Variants in INPP5F observed in about 807,000 individuals in gnomAD.
INPP5F encodes the protein inositol polyphosphate-5-phosphatase F, also known as phosphatidylinositide 4-phosphatase SAC2.
Under a neutral mutation model 137.2 loss-of-function variants are expected in INPP5F, and 97 were observed. The observed-to-expected ratio is 0.71, with a 90% CI of 0.60 to 0.84. INPP5F has a LOEUF of 0.84. Among genes scored for constraint, INPP5F ranks in the 40% least tolerant of loss-of-function variants. INPP5F has a pLI of 0.00. For missense variants in INPP5F, 1,271 were observed against 1,371.9 expected (o/e 0.93, Z 1.16); for synonymous variants, 504 against 476.9 (o/e 1.06, Z -0.74).
At chr10:119,785,978 TG>T (rs1849898629) in intron 3 of INPP5F, among the ~76,000 whole-genome samples, 1 of 152,266 alleles carries the variant, frequency 6.6e-6, no homozygotes, top group Non-Finnish European at 1.5e-5. Context: ...TATAGGCTTA[TG>T]TTCCATGTCT....
intron 16 of INPP5F, among the ~76,000 whole-genome samples, chr10:119,821,214 T>G (rs1387689157): frequency 6.6e-6 from 1 of 152,234 alleles, no homozygotes; most frequent in Non-Finnish European, 1.5e-5. Flanking sequence ...CCATACGTTT[T>G]TATCACTAAT....
Position 119,810,182 on chromosome 10 carries a change from A to T in INPP5F, c.1652A>T (p.Asn551Ile). The T allele has an allele frequency of 1.2e-6, 2 of 1,611,658 alleles. No individual in the cohort carries two copies. The highest frequency in any genetic ancestry group is 1.7e-6 in the Non-Finnish European group (2 of 1,177,972). Residue 551 changes from asparagine to isoleucine, a missense_variant, in exon 14 of 20, where the codon AAC (asparagine) becomes ATC (isoleucine). By Grantham distance (149) the Asn-to-Ile change is moderately radical (BLOSUM62 -3). Coordinates refer to ENST00000650623, the MANE Select transcript of INPP5F (RefSeq NM_014937.4). ...AACTCAGCAAACAGATATTACCTCA[A>T]CCGATTTAAGGATGCTTATAGGCAA... ...GVNSANRYYLNRFKDAYRQAV... is the reference protein window; with the variant it reads ...GVNSANRYYLIRFKDAYRQAV...
rs774658353 is a variant in INPP5F, at chr10:119,805,361, C to CT, written c.1242-20dup. ...TCTATGATTAAATTAAAGATTTTTTCTTTCTTTTGGCATGGATTTTAGCCG... is the reference window on the plus strand; with the variant it reads ...TCTATGATTAAATTAAAGATTTTTTCTTTTCTTTTGGCATGGATTTTAGCCG... On this transcript the variant is annotated intron_variant, in intron 10 of 19. Coordinates refer to ENST00000650623, the MANE Select transcript of INPP5F (RefSeq NM_014937.4). 3.0e-5 allele frequency: 48 copies of CT among 1,583,688 alleles called. No homozygotes were observed. The African/African-American group carries it at 4.6e-4, about 15-fold the overall frequency.
chr10:119,757,943 T>C (rs1377434995), intron 2 of INPP5F, among the ~76,000 whole-genome samples: 1 of 152,254 alleles, frequency 6.6e-6, no homozygotes, highest in African/African-American at 2.4e-5. Context: ...TGTCTCTGTG[T>C]GCTGGCCCAC....
chr10:119,791,664 T>G lies in INPP5F; in HGVS notation c.444+19T>G, dbSNP rs546573078. On this transcript the variant is annotated intron_variant, in intron 4 of 19. Coordinates refer to ENST00000650623, the MANE Select transcript of INPP5F (RefSeq NM_014937.4). ...AAAGAAAGTAAGAGTTTAATTGATA[T>G]AGGCTTTGAATTCACCTTTGATTAG... 7.6e-6 allele frequency: 12 copies of G among 1,580,590 alleles called. No individual in the cohort carries two copies. The highest frequency in any genetic ancestry group is 1.1e-5 in the South Asian group (1 of 89,316).
At chr10:119,819,444 G>T in intron 15 of INPP5F, 2 of 1,548,942 alleles carry the variant, frequency 1.3e-6, no homozygotes, top group Non-Finnish European at 1.7e-6. Flanking sequence ...TAGGATGAAA[G>T]TAACACTGTA....
In INPP5F at chr10:119,781,671, C is replaced by T. The variant is rs745350195; in HGVS notation, c.215C>T (p.Ala72Val). 17 of 1,612,232 alleles carry T rather than the reference C, an allele frequency of 1.1e-5. No individual in the cohort carries two copies. The highest frequency in any genetic ancestry group is 2.2e-5 in the South Asian group (2 of 90,766). Residue 72 changes from alanine (A) to valine (V), a missense_variant, in exon 3 of 20, where the codon GCA (alanine) becomes GTA (valine). This residue lies in a region of INPP5F where 109 missense variants were observed against 105.1 expected (regional missense o/e 1.04). Coordinates refer to ENST00000650623, the MANE Select transcript of INPP5F (RefSeq NM_014937.4). ...TGGCTTATTCTAATTCGGCAGAAAG[C>T]ATTGGTGGGCAAACTCCCAGGAGAC... ...PWWLILIRQK[A>V]LVGKLPGDHE...
intron 1 of INPP5F, among the ~76,000 whole-genome samples, chr10:119,735,204 ATTCT>A (rs1257189716): frequency 1.3e-5 from 2 of 152,214 alleles, no homozygotes; most frequent in African/African-American, 4.8e-5. Flanking sequence ...GCATCCACAC[ATTCT>A]TTCTTTGGTA....
chr10:119,740,657 C>T (rs1848346529), intron 1 of INPP5F, among the ~76,000 whole-genome samples: 1 of 152,134 alleles, frequency 6.6e-6, no homozygotes, highest in Non-Finnish European at 1.5e-5. Context: ...ATTCTCCTGC[C>T]TCAGCCTTCC....
intron 3 of INPP5F, among the ~76,000 whole-genome samples, chr10:119,785,330 G>A (rs1326127940): frequency 7.5e-6 from 1 of 132,492 alleles, no homozygotes; most frequent in Non-Finnish European, 1.6e-5. Flanking sequence ...CTGTCGCCCA[G>A]GCTGGAGTGC....
intron 2 of INPP5F, among the ~76,000 whole-genome samples, chr10:119,775,239 C>G (rs981995026): frequency 6.6e-6 from 1 of 152,026 alleles, no homozygotes; most frequent in Non-Finnish European, 1.5e-5. Context: ...CTGGAAGAAA[C>G]TGGATTATCA....
At position 119,823,132 on chromosome 10, in the gene INPP5F, C is replaced by T; in HGVS notation, c.2094C>T (p.Tyr698=). 1 of 1,614,080 alleles carries T rather than the reference C, an allele frequency of 6.2e-7. No homozygotes were observed. The highest frequency in any genetic ancestry group is 8.5e-7 in the Non-Finnish European group (1 of 1,179,954). The change falls in exon 18 of 20, where the codon TAC becomes TAT. Residue 698 remains tyrosine (Y), a synonymous_variant. Coordinates refer to ENST00000650623, the MANE Select transcript of INPP5F (RefSeq NM_014937.4). ...KFSCMRLHYR[Y]KEASGYFHTL... ...CCTGCATGCGACTGCACTACAGATA[C>T]AAAGAAGCGAGTGGCTATTTCCACA...
intron 6 of INPP5F, among the ~76,000 whole-genome samples, chr10:119,795,124 G>A (rs1260313337): frequency 7.0e-6 from 1 of 143,072 alleles, no homozygotes; most frequent in Non-Finnish European, 1.5e-5. Context: ...TGGCCGGGCG[G>A]GGGGCTGACC....
intron 9 of INPP5F, among the ~76,000 whole-genome samples, chr10:119,800,736 A>G (rs1298494512): frequency 1.3e-5 from 2 of 152,048 alleles, no homozygotes; most frequent in Non-Finnish European, 2.9e-5. Context: ...CAGAATGGCT[A>G]ACATAAAAAA....
chr10:119,771,986 C>T (rs547758160), intron 2 of INPP5F, among the ~76,000 whole-genome samples: 1 of 143,260 alleles, frequency 7.0e-6, no homozygotes, highest in South Asian at 2.2e-4. Context: ...AGCTCCATCT[C>T]CCGGGTTCAC....
At chr10:119,749,305 G>T (rs1019285519) in intron 1 of INPP5F, among the ~76,000 whole-genome samples, 2 of 152,264 alleles carry the variant, frequency 1.3e-5, no homozygotes, top group Admixed American at 1.3e-4. Flanking sequence ...TTTCTGCCCT[G>T]CTGGCTCCAT....
At chr10:119,774,353 A>C (rs1326640985) in intron 2 of INPP5F, among the ~76,000 whole-genome samples, 1 of 151,846 alleles carries the variant, frequency 6.6e-6, no homozygotes, top group Non-Finnish European at 1.5e-5. Context: ...GAGAGATACC[A>C]ACAAGTTTGA....
At chr10:119,788,961 C>T (rs535998669) in intron 3 of INPP5F, among the ~76,000 whole-genome samples, 2 of 152,276 alleles carry the variant, frequency 1.3e-5, no homozygotes, top group South Asian at 2.1e-4. Flanking sequence ...CGCAGTGGCT[C>T]ACGCCTATAA....
chr10:119,807,839 G>T (rs548682058), intron 12 of INPP5F, 93 bp from the exon 13 acceptor site: 4 of 1,241,392 alleles, frequency 3.2e-6, no homozygotes, highest in Non-Finnish European at 4.5e-6. Flanking sequence ...GTCCTAAATT[G>T]TATATGAATA....
Sources: allele counts gnomAD v4.1 joint callset (sites outside exome capture counted in the v4.1 genomes callset), GRCh38; gene constraint gnomAD v4.1.1; regional missense constraint gnomAD v4.1.1; transcripts MANE v1.5; gene names NCBI Gene and HGNC (gene_info 2026-07-23, HGNC 2026-07-21).